The following ULK4 variants were observed in gnomAD, a reference collection of about 807,000 sequenced individuals.
The protein encoded by ULK4 is inactive serine/threonine-protein kinase ULK4.
ULK4 carries 133 observed loss-of-function variants against 160.6 expected under a neutral mutation model. The observed-to-expected ratio is 0.83, with a 90% CI of 0.72 to 0.96. The LOEUF (loss-of-function observed/expected upper bound fraction) is 0.96, where lower values mean the gene tolerates loss of function less well. Among genes scored for constraint, ULK4 ranks in the 40% least tolerant of loss-of-function variants. The probability of loss-of-function intolerance (pLI) is 0.00; values close to 1 mark genes in which losing one functional copy is unlikely to be tolerated. For missense variants in ULK4, 1,580 were observed against 1,499.5 expected, an observed-to-expected ratio of 1.05 and a Z score of -0.89; for synonymous variants, 534 against 539.8, an observed-to-expected ratio of 0.99 and a Z score of 0.15.
In ULK4 at chr3:41,390,262, T is replaced by C. The variant is rs187127613; in HGVS notation, c.3678+7817A>G. 4.6e-3 allele frequency among the ~76,000 whole-genome samples: 693 copies of C among 152,290 alleles called. 9 individuals are homozygous for C. The highest frequency in any genetic ancestry group is 0.016 in the African/African-American group (652 of 41,548). On this transcript the variant is annotated intron_variant, in intron 35 of 36. Transcript: ENST00000301831. ...TTGTGTCTATTTGATTCTTCTCTCT[T>C]TTCTTCTTTATTAGTCTTGCTAACA...
intron 34 of ULK4, among the ~76,000 whole-genome samples, chr3:41,440,649 G>A (rs1264276721): frequency 1.3e-5 from 2 of 152,034 alleles, no homozygotes; most frequent in Non-Finnish European, 2.9e-5. Flanking sequence ...CTGGTATCAG[G>A]GTAATGCTAG....
intron 22 of ULK4, among the ~76,000 whole-genome samples, chr3:41,728,343 G>C (rs765737303): frequency 3.3e-5 from 5 of 152,168 alleles, no homozygotes; most frequent in Non-Finnish European, 7.3e-5. Context: ...TCCACTTATG[G>C]TGGAAGGCAA....
At chr3:41,627,256 T>C (rs1051978238) in intron 30 of ULK4, among the ~76,000 whole-genome samples, 5 of 152,168 alleles carry the variant, frequency 3.3e-5, no homozygotes, top group African/African-American at 1.2e-4. Context: ...GGAAAGAATC[T>C]CTGCCTGTTC....
chr3:41,667,640 T>G (rs1319335828), intron 29 of ULK4, among the ~76,000 whole-genome samples: 21 of 152,184 alleles, frequency 1.4e-4, no homozygotes. Context: ...GCACTCCTAG[T>G]GCCCTGAGGC....
chr3:41,943,546 G>T (rs1303780430), intron 2 of ULK4, among the ~76,000 whole-genome samples: 1 of 152,104 alleles, frequency 6.6e-6, no homozygotes, highest in Non-Finnish European at 1.5e-5. Context: ...TTAAATTTAT[G>T]ATCACAAATC....
chr3:41,390,628 A>C (rs537444480), intron 35 of ULK4, among the ~76,000 whole-genome samples: 1 of 152,054 alleles, frequency 6.6e-6, no homozygotes, highest in African/African-American at 2.4e-5. Flanking sequence ...TTATGTACCC[A>C]GTAGTCATTC....
chr3:41,366,431 T>A (rs186459900), intron 35 of ULK4, among the ~76,000 whole-genome samples: 1 of 152,284 alleles, frequency 6.6e-6, no homozygotes, highest in Admixed American at 6.5e-5. Flanking sequence ...ATACATTTTA[T>A]GTTTTAACAG....
chr3:41,803,260 T>A (rs1227985214), intron 19 of ULK4, among the ~76,000 whole-genome samples: 1 of 150,190 alleles, frequency 6.7e-6, no homozygotes, highest in African/African-American at 2.5e-5. Context: ...CACTTGGACA[T>A]TTATACAACA....
At chr3:41,358,863 GGGTGAGGGGCAAT>G (rs945479890) in intron 35 of ULK4, among the ~76,000 whole-genome samples, 2 of 152,162 alleles carry the variant, frequency 1.3e-5, no homozygotes, top group Non-Finnish European at 2.9e-5. Context: ...ACTGGGGTGG[GGGTGAGGGGCAAT>G]GGTGGAAGCA....
chr3:41,280,567 A>G (rs892592384), intron 35 of ULK4, among the ~76,000 whole-genome samples: 4 of 152,254 alleles, frequency 2.6e-5, no homozygotes, highest in Non-Finnish European at 4.4e-5. Context: ...TACTGAGTAA[A>G]CAACGAAATG....
At chr3:41,856,565 ATATATATATGTGTATATATAT>A (rs1559611123) in intron 17 of ULK4, among the ~76,000 whole-genome samples, 2 of 13,766 alleles carry the variant, frequency 1.5e-4, no homozygotes, top group African/African-American at 2.1e-4. Context: ...ATATATACAC[ATATATATATGTGTATATATAT>A]ACACATATAT....
intron 32 of ULK4, among the ~76,000 whole-genome samples, chr3:41,529,535 A>T (rs2086230544): frequency 1.3e-5 from 2 of 152,224 alleles, no homozygotes; most frequent in Admixed American, 1.3e-4. Context: ...CCCAGGCTGG[A>T]GTGCAGTGGC....
intron 22 of ULK4, among the ~76,000 whole-genome samples, chr3:41,743,331 A>C (rs2170734): frequency 0.12 from 17,510 of 151,554 alleles, 3,542 homozygotes; most frequent in African/African-American, 0.4. Flanking sequence ...AAGACTAAAA[A>C]GGAAAAAAAA....
intron 30 of ULK4, among the ~76,000 whole-genome samples, chr3:41,626,937 A>G (rs1037399221): frequency 2.6e-5 from 4 of 152,212 alleles, no homozygotes; most frequent in Non-Finnish European, 5.9e-5. Context: ...TTGAAAACAA[A>G]GGCTAAATAT....
At chr3:41,545,280 C>A (rs188245884) in intron 32 of ULK4, among the ~76,000 whole-genome samples, 1 of 152,302 alleles carries the variant, frequency 6.6e-6, no homozygotes, top group East Asian at 1.9e-4. Context: ...CATCTGGTAT[C>A]TCTTCCTTTT....
intron 32 of ULK4, among the ~76,000 whole-genome samples, chr3:41,518,990 A>G (rs1162320850): frequency 6.6e-6 from 1 of 152,228 alleles, no homozygotes; most frequent in East Asian, 1.9e-4. Flanking sequence ...AATGTAAGAA[A>G]GAATCACAGA....
At chr3:41,387,384 T>C (rs1247335845) in intron 35 of ULK4, among the ~76,000 whole-genome samples, 2 of 152,104 alleles carry the variant, frequency 1.3e-5, no homozygotes, top group Non-Finnish European at 2.9e-5. Flanking sequence ...CTTTTTTATA[T>C]CATTATACTT....
intron 18 of ULK4, among the ~76,000 whole-genome samples, chr3:41,829,451 AAAAAC>A (rs1186807652): frequency 1.3e-5 from 2 of 151,872 alleles, no homozygotes; most frequent in African/African-American, 2.4e-5. Flanking sequence ...TACAAGAAAA[AAAAAC>A]AAACAACCCC....
chr3:41,902,541 G>A (rs367702739), intron 12 of ULK4, among the ~76,000 whole-genome samples: 5 of 140,026 alleles, frequency 3.6e-5, no homozygotes, highest in South Asian at 2.2e-4. Context: ...TTGCGCCATC[G>A]CACACCAGCC....
Sources: gnomAD v4.1 joint callset for allele counts (sites outside exome capture counted in the v4.1 genomes callset) on GRCh38, gnomAD v4.1.1 for gene constraint, MANE v1.5 for transcripts, NCBI Gene and HGNC (gene_info 2026-07-23, HGNC 2026-07-21) for gene names.